USP32: variants seen among roughly 807,000 people sequenced by gnomAD.
The protein encoded by USP32 is ubiquitin carboxyl-terminal hydrolase 32.
In USP32, 59 loss-of-function variants were observed where a neutral mutation model predicts 204.8. That is an observed-to-expected ratio of 0.29 (90% CI 0.23 to 0.36). The LOEUF (loss-of-function observed/expected upper bound fraction) is 0.36. Among genes scored for constraint, USP32 ranks in the 10% least tolerant of loss-of-function variants. USP32 has a pLI of 1.00. For missense variants in USP32, 1,160 were observed against 1,946.4 expected (o/e 0.60, Z 7.60); for synonymous variants, 517 against 678.4 (o/e 0.76, Z 3.70).
At chr17:60,215,499 A>T (rs1223163724) in intron 16 of USP32, among the ~76,000 whole-genome samples, 1 of 152,100 alleles carries the variant, frequency 6.6e-6, no homozygotes, top group Non-Finnish European at 1.5e-5. Context: ...AAAAAAAAAA[A>T]ACTCAGTGGA....
intron 1 of USP32, among the ~76,000 whole-genome samples, chr17:60,378,721 T>C (rs556720852): frequency 3.0e-4 from 45 of 152,254 alleles, no homozygotes; most frequent in South Asian, 8.3e-4. Flanking sequence ...ATGAAGTATC[T>C]AGAATAGGCA....
At chr17:60,210,061 G>A (rs1368722087) in intron 21 of USP32, among the ~76,000 whole-genome samples, 1 of 151,762 alleles carries the variant, frequency 6.6e-6, no homozygotes, top group African/African-American at 2.4e-5. Flanking sequence ...TTCTGGTCTT[G>A]TTGCATCCTA....
At chr17:60,226,798 C>A (rs1404419336) in intron 12 of USP32, among the ~76,000 whole-genome samples, 2 of 152,032 alleles carry the variant, frequency 1.3e-5, no homozygotes, top group African/African-American at 4.8e-5. Context: ...ACTGAACACA[C>A]CTTTAATCCC....
intron 1 of USP32, among the ~76,000 whole-genome samples, chr17:60,368,991 ATT>A (rs758528054): frequency 1.1e-4 from 12 of 114,122 alleles, no homozygotes; most frequent in African/African-American, 1.0e-4. Flanking sequence ...TTTTTAAAAG[ATT>A]TTTTTTTTTT....
intron 2 of USP32, among the ~76,000 whole-genome samples, chr17:60,307,479 A>G (rs2087752693): frequency 6.6e-6 from 1 of 152,234 alleles, no homozygotes; most frequent in Non-Finnish European, 1.5e-5. Flanking sequence ...AATATCAATG[A>G]CATTCTTCAT....
At chr17:60,304,805 C>T (rs1034050180) in intron 2 of USP32, 1 of 152,068 alleles carries the variant, frequency 6.6e-6, no homozygotes, top group African/African-American at 2.4e-5. Context: ...AGTGTTTAAG[C>T]CTAACATTGA....
chr17:60,294,570 G>A, intron 4 of USP32, 113 bp downstream of exon 4: 1 of 570,678 alleles, frequency 1.8e-6, no homozygotes, highest in African/African-American at 1.9e-5. Flanking sequence ...ATATAAAAAT[G>A]CCAAGAGTAA....
intron 2 of USP32, among the ~76,000 whole-genome samples, chr17:60,330,428 A>G (rs1338771287): frequency 6.6e-6 from 1 of 151,548 alleles, no homozygotes; most frequent in Non-Finnish European, 1.5e-5. Flanking sequence ...TCCTTGCTTT[A>G]ACTTAGATTT....
At position 60,345,484 on chromosome 17, in the gene USP32, A is replaced by G; in HGVS notation, c.183T>C (p.Ala61=). The G allele has an allele frequency of 1.2e-6, 2 of 1,613,858 alleles. No individual in the cohort carries two copies. The highest frequency in any genetic ancestry group is 1.7e-6 in the Non-Finnish European group (2 of 1,179,904). Residue 61 remains alanine, a synonymous_variant, in exon 2 of 34, where the codon GCT becomes GCC. Transcript: ENST00000300896. The part of the protein sequence containing the change: ...VLGDGVPPKV[A]EVIYCSFGGT... ...AAACTTAGAACAAAAAGATTACCTC[A>G]GCAACCTTTGGAGGCACTCCATCCC...
At chr17:60,183,857 A>AC (rs2084177566) in intron 30 of USP32, among the ~76,000 whole-genome samples, 1 of 152,238 alleles carries the variant, frequency 6.6e-6, no homozygotes, top group South Asian at 2.1e-4. Context: ...AATTGCAGTT[A>AC]CTGGTCTACA....
At chr17:60,360,811 ATTC>A (rs2089190989) in intron 1 of USP32, among the ~76,000 whole-genome samples, 1 of 152,020 alleles carries the variant, frequency 6.6e-6, no homozygotes, top group South Asian at 2.1e-4. Flanking sequence ...AAGTGAATGC[ATTC>A]TTCTTCTAAA....
chr17:60,341,655 A>C (rs112559958), intron 2 of USP32, among the ~76,000 whole-genome samples: 6,952 of 152,138 alleles, frequency 0.046, 573 homozygotes, highest in African/African-American at 0.16. Flanking sequence ...TTGATTTGAT[A>C]TTCGATCACT....
chr17:60,285,604 G>A (rs1186319473), intron 5 of USP32, among the ~76,000 whole-genome samples: 1 of 152,090 alleles, frequency 6.6e-6, no homozygotes, highest in Non-Finnish European at 1.5e-5. Flanking sequence ...GACATGACAT[G>A]TACAAATAAG....
rs545359164 is a variant in USP32 at position 60,240,015 on chromosome 17, G to A, written c.1137-3775C>T. ...CTCCCAAAGTGCTGGGATTACAGGCGTGGGCCACCATGCCCAAGCCAATTC... is the reference window on the plus strand; with the variant it reads ...CTCCCAAAGTGCTGGGATTACAGGCATGGGCCACCATGCCCAAGCCAATTC... On this transcript the variant is annotated intron_variant, in intron 11 of 33. Transcript: ENST00000300896. 2.2e-3 allele frequency among the ~76,000 whole-genome samples: 332 copies of A among 152,322 alleles called. 4 individuals carry two copies. The highest frequency in any genetic ancestry group is 7.5e-3 in the African/African-American group (313 of 41,576).
chr17:60,400,037 T>G (rs2089924622), intron 1 of USP32, among the ~76,000 whole-genome samples: 1 of 151,736 alleles, frequency 6.6e-6, no homozygotes, highest in African/African-American at 2.4e-5. Flanking sequence ...TGATCTCGGC[T>G]CACTGCAACC....
chr17:60,243,122 A>G (rs917191871), intron 11 of USP32, among the ~76,000 whole-genome samples: 1 of 152,166 alleles, frequency 6.6e-6, no homozygotes, highest in Non-Finnish European at 1.5e-5. Context: ...AATATAGTGA[A>G]TGGAATTGTT....
chr17:60,315,119 C>G (rs575214241), intron 2 of USP32, among the ~76,000 whole-genome samples: 1 of 152,116 alleles, frequency 6.6e-6, no homozygotes, highest in East Asian at 1.9e-4. Context: ...TGAATGAGGC[C>G]GGGTGTGGTG....
chr17:60,221,756 G>A (rs1235702334), intron 15 of USP32, among the ~76,000 whole-genome samples: 2 of 151,776 alleles, frequency 1.3e-5, no homozygotes, highest in Middle Eastern at 3.2e-3. Context: ...TGCCTGCCTC[G>A]GCCTTCCAAA....
chr17:60,336,931 G>A (rs1477702996), intron 2 of USP32, among the ~76,000 whole-genome samples: 1 of 152,112 alleles, frequency 6.6e-6, no homozygotes, highest in East Asian at 1.9e-4. Flanking sequence ...TAACAAAAAT[G>A]TTAGCTGCTT....
Sources: gnomAD v4.1 joint callset for allele counts (sites outside exome capture counted in the v4.1 genomes callset) on GRCh38, gnomAD v4.1.1 for gene constraint, MANE v1.5 for transcripts, NCBI Gene and HGNC (gene_info 2026-07-23, HGNC 2026-07-21) for gene names.